Variants in ARHGAP18 observed in about 807,000 individuals in gnomAD.
ARHGAP18 encodes the protein Rho GTPase activating protein 18, also known as rho GTPase-activating protein 18.
In ARHGAP18, 67 loss-of-function variants were observed where a neutral mutation model predicts 86.2. The observed-to-expected ratio is 0.78, with a 90% CI of 0.64 to 0.95. ARHGAP18 has a LOEUF of 0.95. Among genes scored for constraint, ARHGAP18 ranks in the 40% least tolerant of loss-of-function variants. ARHGAP18 has a pLI of 0.00. For missense variants in ARHGAP18, 691 were observed against 780.4 expected, an observed-to-expected ratio of 0.89 and a Z score of 1.37; for synonymous variants, 283 against 280.4, an observed-to-expected ratio of 1.01 and a Z score of -0.09.
intron 10 of ARHGAP18, among the ~76,000 whole-genome samples, 153 bp from the exon 11 acceptor site, chr6:129,601,001 T>C (rs1788727493): frequency 6.6e-6 from 1 of 152,130 alleles, no homozygotes; most frequent in Non-Finnish European, 1.5e-5. Flanking sequence ...TACCAAAGCT[T>C]CTCCATTTGG....
chr6:129,659,865 C>T (rs1255614487), intron 1 of ARHGAP18, among the ~76,000 whole-genome samples: 4 of 152,156 alleles, frequency 2.6e-5, no homozygotes, highest in Non-Finnish European at 4.4e-5. Flanking sequence ...CCGTTGAAGG[C>T]TCCACAGAAG....
chr6:129,584,831 T>G (rs1788362817), intron 12 of ARHGAP18, among the ~76,000 whole-genome samples: 1 of 152,162 alleles, frequency 6.6e-6, no homozygotes, highest in African/African-American at 2.4e-5. Flanking sequence ...GACTTAGACC[T>G]TAGAATAAAC....
At chr6:129,668,831 C>T (rs1774092903) in intron 1 of ARHGAP18, among the ~76,000 whole-genome samples, 1 of 152,194 alleles carries the variant, frequency 6.6e-6, no homozygotes, top group South Asian at 2.1e-4. Context: ...GATGAGACCC[C>T]TTTAGTGATA....
chr6:129,599,802 A>G (rs1211720337), intron 11 of ARHGAP18, among the ~76,000 whole-genome samples: 1 of 152,196 alleles, frequency 6.6e-6, no homozygotes, highest in African/African-American at 2.4e-5. Flanking sequence ...CCAAGAAACA[A>G]GAGCTGATAG....
In ARHGAP18 at chr6:129,660,893, T is replaced by C. The variant is rs72986950; in HGVS notation, c.114-18875A>G. 2.6e-3 allele frequency among the ~76,000 whole-genome samples: 388 copies of C among 150,894 alleles called. 2 individuals are homozygous for C. The highest frequency in any genetic ancestry group is 5.2e-3 in the Admixed American group (79 of 15,152). On this transcript the variant is annotated intron_variant, in intron 1 of 14. Transcript: ENST00000368149. ...AGAATCTGTGTGTGGTGTGAGGGAGTATGCATGTTTGGAATTGAAATAAAG... is the reference window on the plus strand; with the variant it reads ...AGAATCTGTGTGTGGTGTGAGGGAGCATGCATGTTTGGAATTGAAATAAAG...
chr6:129,703,883 G>A (rs897364140), intron 1 of ARHGAP18, among the ~76,000 whole-genome samples: 8 of 152,130 alleles, frequency 5.3e-5, no homozygotes, highest in Admixed American at 2.6e-4. Context: ...GAGGAAATAC[G>A]CTTTAGAAGC....
chr6:129,674,691 A>T (rs1007017495), intron 1 of ARHGAP18, among the ~76,000 whole-genome samples: 1 of 152,216 alleles, frequency 6.6e-6, no homozygotes, highest in Non-Finnish European at 1.5e-5. Context: ...ATGTTATACT[A>T]CACCATTTTA....
At chr6:129,585,959 C>A (rs1008951307) in intron 12 of ARHGAP18, among the ~76,000 whole-genome samples, 12 of 152,170 alleles carry the variant, frequency 7.9e-5, no homozygotes, top group African/African-American at 1.9e-4. Flanking sequence ...TTGACCTCAT[C>A]CCTAAGATAC....
chr6:129,582,378 C>T (rs1788306808), intron 13 of ARHGAP18, among the ~76,000 whole-genome samples: 1 of 152,106 alleles, frequency 6.6e-6, no homozygotes, highest in Non-Finnish European at 1.5e-5. Flanking sequence ...AAAGTACAGA[C>T]TAAATTGAGC....
chr6:129,660,692 C>G (rs564560555), intron 1 of ARHGAP18, among the ~76,000 whole-genome samples: 26 of 152,048 alleles, frequency 1.7e-4, no homozygotes, highest in Non-Finnish European at 3.7e-4. Flanking sequence ...TAACAAAATC[C>G]CAAGGTGACG....
chr6:129,600,171 T>C (rs1021795351), intron 11 of ARHGAP18, among the ~76,000 whole-genome samples: 1 of 152,094 alleles, frequency 6.6e-6, no homozygotes, highest in African/African-American at 2.4e-5. Flanking sequence ...TCCTGAAAAA[T>C]TATAAATTTC....
intron 12 of ARHGAP18, among the ~76,000 whole-genome samples, chr6:129,593,452 C>A (rs962428441): frequency 5.3e-5 from 8 of 152,084 alleles, no homozygotes; most frequent in East Asian, 1.9e-4. Context: ...AAAAGCAAGA[C>A]CTTATCTCCA....
chr6:129,584,260 A>G, intron 12 of ARHGAP18, 148 bp from the exon 13 acceptor site: 1 of 1,061,460 alleles, frequency 9.4e-7, no homozygotes, highest in African/African-American at 1.6e-5. Context: ...AATTTGCAAA[A>G]TTACATCAAA....
At chr6:129,634,888 TA>T (rs5879956) in intron 3 of ARHGAP18, among the ~76,000 whole-genome samples, 26,614 of 145,700 alleles carry the variant, frequency 0.18, 2,744 homozygotes, top group African/African-American at 0.29. Context: ...TTCTTCAAGT[TA>T]AAAAAAAAAA....
chr6:129,685,844 G>A (rs1361905051), intron 1 of ARHGAP18, among the ~76,000 whole-genome samples: 1 of 152,022 alleles, frequency 6.6e-6, no homozygotes, highest in Non-Finnish European at 1.5e-5. Context: ...GAAGTGAGAA[G>A]TCCAGATGGT....
At chr6:129,709,480 T>C (rs761083832) in intron 1 of ARHGAP18, among the ~76,000 whole-genome samples, 1 of 152,032 alleles carries the variant, frequency 6.6e-6, no homozygotes, top group Non-Finnish European at 1.5e-5. Context: ...GGAAAAAAAA[T>C]CCACATACAC....
At chr6:129,690,124 C>CGTGTGT (rs142057840) in intron 1 of ARHGAP18, among the ~76,000 whole-genome samples, 148 of 150,170 alleles carry the variant, frequency 9.9e-4, no homozygotes, top group South Asian at 6.7e-3. Context: ...CCCATGTAAA[C>CGTGTGT]GTGTGTGTGT....
chr6:129,633,976 GA>G, intron 4 of ARHGAP18, 65 bp downstream of exon 4: 1 of 1,347,344 alleles, frequency 7.4e-7, no homozygotes. Context: ...TGTTTTATAA[GA>G]CTGTAACTGT....
intron 1 of ARHGAP18, among the ~76,000 whole-genome samples, chr6:129,690,210 AAT>A (rs1356839324): frequency 1.3e-5 from 2 of 152,178 alleles, no homozygotes; most frequent in Non-Finnish European, 2.9e-5. Flanking sequence ...ATGTATTCAT[AAT>A]ACTTATATTA....
Sources: allele counts gnomAD v4.1 joint callset (sites outside exome capture counted in the v4.1 genomes callset), GRCh38; gene constraint gnomAD v4.1.1; transcripts MANE v1.5; gene names NCBI Gene and HGNC (gene_info 2026-07-23, HGNC 2026-07-21).